The following NRG4 variants were observed in gnomAD, a reference collection of about 807,000 sequenced individuals.
NRG4 encodes the protein neuregulin 4.
In NRG4, 10 loss-of-function variants were observed where a neutral mutation model predicts 15.0. The ratio of observed to expected loss-of-function variants is 0.67; its 90% CI spans 0.41 to 1.13. The LOEUF is 1.13. Ranked by LOEUF, NRG4 falls within the 50% of genes most tolerant of loss-of-function variation. The pLI is 0.00. For missense variants in NRG4, 139 were observed against 140.2 expected, an observed-to-expected ratio of 0.99 and a Z score of 0.04; for synonymous variants, 41 against 50.1, an observed-to-expected ratio of 0.82 and a Z score of 0.77.
At chr15:75,997,335 T>G (rs947819085) in intron 3 of NRG4, among the ~76,000 whole-genome samples, 1 of 152,108 alleles carries the variant, frequency 6.6e-6, no homozygotes, top group African/African-American at 2.4e-5. Flanking sequence ...CTTACCCTTC[T>G]TTGCTTGGTA....
At chr15:75,959,124 T>A (rs1263695588) in intron 4 of NRG4, 1 of 417,574 alleles carries the variant, frequency 2.4e-6, no homozygotes, top group East Asian at 8.5e-5. Context: ...TAGGACTACA[T>A]GCATGTGTTA....
chr15:75,938,266 A>G (rs532120363), downstream of NRG4: 4 of 152,336 alleles, frequency 2.6e-5, no homozygotes, highest in South Asian at 6.2e-4. Context: ...CTCAAAACAA[A>G]TGGATGACAG....
In NRG4 at chr15:75,942,341, T is replaced by A. The variant is rs2141753484; in HGVS notation, c.*1297A>T. ...TAGCCTGGATGACAGAGTGAGACTT[T>A]GTCTCAAAAAGTAAAGTAAAAATGT... is the stretch of plus-strand genomic sequence containing the variant. On this transcript the variant is annotated 3_prime_UTR_variant, in exon 6 of 6. Coordinates refer to ENST00000394907, the MANE Select transcript of NRG4 (RefSeq NM_138573.4). 6.6e-6 allele frequency: 1 copy of A among 152,002 alleles called. No homozygotes were observed. Among genetic ancestry groups the A allele is most frequent in the East Asian group, 1.9e-4 (1 of 5,168 alleles). The allele number at this position is 152,002 out of a possible 1,614,324, so 9.4% of individuals were successfully genotyped here. A position where few individuals can be genotyped will look rare whatever the true frequency, so the allele number is the denominator to read the frequency against.
At position 76,047,440 on chromosome 15, in the gene NRG4, A is replaced by T. The variant is rs114395077; in HGVS notation, c.-105+4627T>A. On this transcript the variant is annotated intron_variant, in intron 4 of 8. Transcript: ENST00000563910. ...ACACACTGGAGTATTATTCATCCAT[A>T]AAAAAAAGAATAAAATCCCGTCATT... Among the ~76,000 whole-genome samples, 380 of 150,934 alleles carry T rather than the reference A, an allele frequency of 2.5e-3. 19 individuals are homozygous for T. Among genetic ancestry groups the T allele is most frequent in the African/African-American group, 8.1e-3 (328 of 40,546 alleles).
chr15:76,042,893 T>C (rs969053452), intron 4 of NRG4, among the ~76,000 whole-genome samples: 1 of 152,024 alleles, frequency 6.6e-6, no homozygotes, highest in Non-Finnish European at 1.5e-5. Context: ...TTAACACTCA[T>C]GCAAAAATCT....
At chr15:76,018,778 G>GGT (rs563689900) in intron 5 of NRG4, among the ~76,000 whole-genome samples, 145 of 152,298 alleles carry the variant, frequency 9.5e-4, no homozygotes, top group African/African-American at 3.4e-3. Context: ...CCTACTGGGA[G>GGT]GTGTCTCCCC....
At chr15:75,959,131 G>C in intron 4 of NRG4, 1 of 417,264 alleles carries the variant, frequency 2.4e-6, no homozygotes, top group Non-Finnish European at 4.8e-6. Flanking sequence ...ACATGCATGT[G>C]TTACCACACC....
intron 4 of NRG4, among the ~76,000 whole-genome samples, chr15:76,050,437 GTTT>G (rs71444951): frequency 1.1e-5 from 1 of 91,874 alleles, no homozygotes; most frequent in African/African-American, 4.2e-5. Flanking sequence ...CCGAGCCTTC[GTTT>G]TTTTTTTTTT....
intron 4 of NRG4, among the ~76,000 whole-genome samples, chr15:76,039,308 T>A (rs57971067): frequency 6.6e-6 from 1 of 151,966 alleles, no homozygotes; most frequent in East Asian, 1.9e-4. Context: ...CAGAAATACA[T>A]GATCTTTCAG....
At chr15:75,953,997 T>C (rs2032071367) in intron 5 of NRG4, among the ~76,000 whole-genome samples, 1 of 152,114 alleles carries the variant, frequency 6.6e-6, no homozygotes, top group Non-Finnish European at 1.5e-5. Flanking sequence ...TTTGTTGAAA[T>C]TTTTATATGT....
At chr15:75,945,865 A>G (rs1329956385) in intron 5 of NRG4, 1 of 152,248 alleles carries the variant, frequency 6.6e-6, no homozygotes, top group Non-Finnish European at 1.5e-5. Context: ...CAGACAGCAC[A>G]AAACCTAAAT....
At chr15:75,990,494 G>T (rs1309921813) in intron 3 of NRG4, among the ~76,000 whole-genome samples, 2 of 152,074 alleles carry the variant, frequency 1.3e-5, no homozygotes, top group Admixed American at 6.6e-5. Context: ...TGAAAAAAGG[G>T]TGTTTCATTT....
At chr15:75,998,271 G>A (rs1433179539) in intron 3 of NRG4, among the ~76,000 whole-genome samples, 2 of 152,190 alleles carry the variant, frequency 1.3e-5, no homozygotes, top group African/African-American at 4.8e-5. Context: ...GAGATACAAT[G>A]TAAAGTAAAT....
At chr15:76,056,715 A>G (rs2036160731) in intron 2 of NRG4, among the ~76,000 whole-genome samples, 1 of 152,216 alleles carries the variant, frequency 6.6e-6, no homozygotes, top group African/African-American at 2.4e-5. Flanking sequence ...GGCATTATTC[A>G]AATTTTCACA....
intron 5 of NRG4, among the ~76,000 whole-genome samples, chr15:76,022,452 ACAC>A: frequency 6.6e-6 from 1 of 151,282 alleles, no homozygotes; most frequent in East Asian, 1.9e-4. Context: ...ACACACACAC[ACAC>A]AATGCTTAAC....
At chr15:75,978,392 G>A (rs1267506801) in intron 3 of NRG4, among the ~76,000 whole-genome samples, 2 of 151,914 alleles carry the variant, frequency 1.3e-5, no homozygotes, top group African/African-American at 4.8e-5. Context: ...TTTTTTTTAT[G>A]GCTGAATAAT....
chr15:75,964,335 T>C (rs1343182872), intron 3 of NRG4, among the ~76,000 whole-genome samples: 1 of 146,006 alleles, frequency 6.8e-6, no homozygotes. Context: ...AAAACCCTTC[T>C]ATCATTCCTG....
intron 3 of NRG4, among the ~76,000 whole-genome samples, chr15:75,996,596 C>T (rs2034224652): frequency 6.6e-6 from 1 of 152,102 alleles, no homozygotes; most frequent in Non-Finnish European, 1.5e-5. Context: ...GAGATTTGGT[C>T]ACAAAATTGG....
chr15:76,059,631 G>C (rs1188405104), intron 1 of NRG4: 1 of 151,084 alleles, frequency 6.6e-6, no homozygotes, highest in Non-Finnish European at 1.5e-5. Context: ...CTCAGGCCCC[G>C]ACCCTGCCCC....
Sources: gnomAD v4.1 joint callset for allele counts (sites outside exome capture counted in the v4.1 genomes callset) on GRCh38, gnomAD v4.1.1 for gene constraint, MANE v1.5 for transcripts, NCBI Gene and HGNC (gene_info 2026-07-23, HGNC 2026-07-21) for gene names.